SRGAP3: variants seen among roughly 807,000 people sequenced by gnomAD.
SRGAP3 encodes SLIT-ROBO Rho GTPase activating protein 3.
Under a neutral mutation model 121.1 loss-of-function variants are expected in SRGAP3, and 39 were observed. The ratio of observed to expected loss-of-function variants is 0.32; its 90% CI spans 0.25 to 0.42. The LOEUF is 0.42. SRGAP3 is among the 10% of genes least tolerant of loss of function. The pLI, the probability that SRGAP3 is intolerant of heterozygous loss-of-function variation, is 1.00. For missense variants in SRGAP3, 1,213 were observed against 1,470.6 expected, an observed-to-expected ratio of 0.82 and a Z score of 2.86; for synonymous variants, 601 against 570.0, an observed-to-expected ratio of 1.05 and a Z score of -0.77.
intron 9 of SRGAP3, among the ~76,000 whole-genome samples, chr3:9,050,454 C>T (rs1945512236): frequency 6.6e-6 from 1 of 152,184 alleles, no homozygotes; most frequent in African/African-American, 2.4e-5. Flanking sequence ...AAGCTTCAAC[C>T]ACCTGAAGAA....
At chr3:9,204,426 T>C (rs559302995) in intron 1 of SRGAP3, among the ~76,000 whole-genome samples, 28 of 152,308 alleles carry the variant, frequency 1.8e-4, no homozygotes, top group African/African-American at 6.5e-4. Flanking sequence ...GGGCTAGACA[T>C]GCCTTTGCCC....
intron 4 of SRGAP3, among the ~76,000 whole-genome samples, chr3:9,073,794 G>A (rs373212165): frequency 7.9e-5 from 12 of 152,240 alleles, no homozygotes; most frequent in Admixed American, 4.6e-4. Flanking sequence ...GCAAGATGCA[G>A]AATAGTAAGT....
chr3:8,997,988 T>A (rs112929674), intron 18 of SRGAP3, among the ~76,000 whole-genome samples: 3,451 of 152,084 alleles, frequency 0.023, 131 homozygotes, highest in African/African-American at 0.077. Context: ...ATCAAGCAAT[T>A]CTTCCACCTC....
chr3:9,032,960 G>A (rs956607715), intron 11 of SRGAP3, among the ~76,000 whole-genome samples: 5 of 152,030 alleles, frequency 3.3e-5, no homozygotes, highest in Non-Finnish European at 7.3e-5. Context: ...TGCCAAGCAG[G>A]AGCAACTCTT....
At position 8,985,806 on chromosome 3, in the gene SRGAP3, C is replaced by CGGGGCCTGG; in HGVS notation, c.3004_3012dup (p.Pro1002_Pro1004dup). On this transcript the variant is annotated inframe_insertion, in exon 22 of 22. Transcript: ENST00000383836. This position sits in a 1 kb window ranked among gnomAD's most constrained non-coding sequence, Gnocchi z 5.1. ...AGGGGACTGGCGGGCTCCGAGCTGA[C>CGGGGCCTGG]GGGGCCTGGCGGGTTCTTCAGGGGC... is the stretch of plus-strand genomic sequence containing the variant. 6 of 1,600,260 alleles carry CGGGGCCTGG rather than the reference C, an allele frequency of 3.7e-6. No individual in the cohort carries two copies. The highest frequency in any genetic ancestry group is 5.1e-6 in the Non-Finnish European group (6 of 1,179,836).
intron 1 of SRGAP3, among the ~76,000 whole-genome samples, chr3:9,136,546 C>G (rs1199556607): frequency 6.6e-6 from 1 of 152,250 alleles, no homozygotes. Flanking sequence ...CTCTCCCCTT[C>G]CTGTATTCGG....
At chr3:9,110,444 G>A (rs572038394) in intron 2 of SRGAP3, among the ~76,000 whole-genome samples, 1 of 152,372 alleles carries the variant, frequency 6.6e-6, no homozygotes, top group South Asian at 2.1e-4. Context: ...AGAACAACAA[G>A]GAAGGCTTTA....
chr3:9,336,379 T>C (rs757544811), intron 1 of SRGAP3, among the ~76,000 whole-genome samples: 1 of 152,086 alleles, frequency 6.6e-6, no homozygotes, highest in Non-Finnish European at 1.5e-5. Context: ...CTGTGCCTGA[T>C]TAAATTTTTA....
rs999462852 is a variant in SRGAP3 at position 9,146,869 on chromosome 3, T to C, written c.68-21952A>G. Reference sequence around the variant, plus strand: ...ACCACAGCATGAGCAGAATTGTTCATGTACACGTGAGATGCCTCTGGAGAC... The same window carrying C: ...ACCACAGCATGAGCAGAATTGTTCACGTACACGTGAGATGCCTCTGGAGAC... On this transcript the variant is annotated intron_variant, in intron 1 of 21. Transcript: ENST00000383836. Among the ~76,000 whole-genome samples the C allele has an allele frequency of 6.6e-5, 10 of 152,318 alleles. No homozygotes were observed. In the East Asian group the frequency reaches 7.7e-4, roughly 12 times the overall value.
intron 1 of SRGAP3, among the ~76,000 whole-genome samples, chr3:9,203,404 C>T (rs1560409920): frequency 6.6e-6 from 1 of 152,210 alleles, no homozygotes; most frequent in African/African-American, 2.4e-5. Flanking sequence ...GGACAGTTAT[C>T]CTGAGAGTTC....
intron 1 of SRGAP3, among the ~76,000 whole-genome samples, chr3:9,229,906 C>T (rs1414147896): frequency 6.6e-6 from 1 of 152,168 alleles, no homozygotes; most frequent in Non-Finnish European, 1.5e-5. Flanking sequence ...ATGGTAACCT[C>T]GGTTTATTGA....
intron 3 of SRGAP3, among the ~76,000 whole-genome samples, chr3:9,260,645 C>A (rs960470060): frequency 2.6e-5 from 4 of 152,216 alleles, no homozygotes; most frequent in Non-Finnish European, 5.9e-5. Context: ...GGCAGCAGCC[C>A]CAGTCAGCGG....
At chr3:9,019,359 C>A (rs1245247226) in intron 14 of SRGAP3, among the ~76,000 whole-genome samples, 1 of 152,238 alleles carries the variant, frequency 6.6e-6, no homozygotes, top group African/African-American at 2.4e-5. Flanking sequence ...CACAGCCCTG[C>A]CCCTGGCATA....
chr3:9,172,097 T>TC (rs1372832468), intron 1 of SRGAP3, among the ~76,000 whole-genome samples: 3 of 148,938 alleles, frequency 2.0e-5, no homozygotes, highest in East Asian at 3.9e-4. Flanking sequence ...TCTTTTCTTT[T>TC]TTTTTTTTTT....
rs752341981 is a variant in SRGAP3 at position 8,990,779 on chromosome 3, G to A, written c.2619C>T (p.His873=). The A allele has an allele frequency of 1.7e-5, 27 of 1,599,836 alleles. No individual in the cohort carries two copies. The highest frequency in any genetic ancestry group is 1.9e-5 in the Non-Finnish European group (22 of 1,173,162). The stretch of plus-strand genomic sequence containing the variant: ...TGGGGCCCAGGCCCCGGGGCGGGCT[G>A]TGTGTGTCGCCCCCGCTTCGGCGTC... ...IPRRRSGGDT[H]SPPRGLGPSI... Residue 873 remains histidine, a synonymous_variant, in exon 21 of 22, where the codon CAC becomes CAT. Coordinates refer to ENST00000383836, the MANE Select transcript of SRGAP3 (RefSeq NM_014850.4).
intron 2 of SRGAP3, among the ~76,000 whole-genome samples, chr3:9,110,837 A>G (rs1948596681): frequency 6.6e-6 from 1 of 152,266 alleles, no homozygotes; most frequent in African/African-American, 2.4e-5. Flanking sequence ...GGTACCAGGC[A>G]GGCTCTACCA....
chr3:9,135,943 G>T (rs1221512991), intron 1 of SRGAP3, among the ~76,000 whole-genome samples: 4 of 152,226 alleles, frequency 2.6e-5, no homozygotes, highest in African/African-American at 9.6e-5. Flanking sequence ...GGTGGTATGC[G>T]CGTGGTGCCT....
chr3:9,073,819 T>C (rs1368240318), intron 4 of SRGAP3, among the ~76,000 whole-genome samples: 4 of 152,206 alleles, frequency 2.6e-5, no homozygotes, highest in African/African-American at 4.8e-5. Context: ...TTGTCACCAC[T>C]TGCATAAAAC....
At chr3:9,273,276 G>A (rs538157120) in intron 3 of SRGAP3, among the ~76,000 whole-genome samples, 21 of 152,240 alleles carry the variant, frequency 1.4e-4, no homozygotes, top group Admixed American at 2.6e-4. Flanking sequence ...TCTGCTCTGC[G>A]GCCCAGTTCC....
Sources: gnomAD v4.1 joint callset for allele counts (sites outside exome capture counted in the v4.1 genomes callset) on GRCh38, gnomAD v4.1.1 for gene constraint, Gnocchi (gnomAD v3.1) non-coding constraint, MANE v1.5 for transcripts, NCBI Gene and HGNC (gene_info 2026-07-23, HGNC 2026-07-21) for gene names.